Variants in ANKFN1 observed in about 807,000 individuals in gnomAD.
ANKFN1 encodes ankyrin repeat and fibronectin type III domain containing 1.
In ANKFN1, 74 loss-of-function variants were observed where a neutral mutation model predicts 108.7. The ratio of observed to expected loss-of-function variants is 0.68; its 90% CI spans 0.56 to 0.83. ANKFN1 has a LOEUF of 0.83. Among genes scored for constraint, ANKFN1 ranks in the 40% least tolerant of loss-of-function variants. The probability of loss-of-function intolerance (pLI) is 0.00; values close to 1 mark genes in which losing one functional copy is unlikely to be tolerated. For missense variants in ANKFN1, 1,505 were observed against 1,382.3 expected (o/e 1.09, Z -1.41); for synonymous variants, 547 against 516.2 (o/e 1.06, Z -0.81).
chr17:56,197,953 T>G (rs1398868015), intron 1 of ANKFN1, among the ~76,000 whole-genome samples: 5 of 152,094 alleles, frequency 3.3e-5, no homozygotes, highest in Non-Finnish European at 7.4e-5. Flanking sequence ...GAGGCTACAG[T>G]GAACCATGAT....
At chr17:56,432,006 AG>A (rs2048772562) in intron 8 of ANKFN1, among the ~76,000 whole-genome samples, 1 of 152,220 alleles carries the variant, frequency 6.6e-6, no homozygotes. Flanking sequence ...TCAGAATCCC[AG>A]GAAACATCTC....
At chr17:56,393,035 T>C (rs890797075) in intron 8 of ANKFN1, among the ~76,000 whole-genome samples, 1 of 152,194 alleles carries the variant, frequency 6.6e-6, no homozygotes, top group African/African-American at 2.4e-5. Context: ...TTAGGTCATT[T>C]TGTTCCAGGC....
At chr17:56,262,725 T>C (rs1225087946) in intron 3 of ANKFN1, among the ~76,000 whole-genome samples, 2 of 152,126 alleles carry the variant, frequency 1.3e-5, no homozygotes, top group Admixed American at 6.5e-5. Flanking sequence ...TTAATGAAAA[T>C]GTGCAAATGA....
chr17:56,126,653 C>G (rs967262773), intron 4 of ANKFN1, among the ~76,000 whole-genome samples: 2 of 152,278 alleles, frequency 1.3e-5, no homozygotes, highest in Middle Eastern at 3.4e-3. Flanking sequence ...AATGCGCTGG[C>G]AAAGAGGAGG....
At chr17:56,508,416 A>G (rs1302420830) in intron 20 of ANKFN1, among the ~76,000 whole-genome samples, 1 of 152,238 alleles carries the variant, frequency 6.6e-6, no homozygotes, top group African/African-American at 2.4e-5. Flanking sequence ...TGAAGATTAC[A>G]AAGAAATGTA....
intron 6 of ANKFN1, among the ~76,000 whole-genome samples, chr17:56,354,406 G>A (rs527847535): frequency 1.3e-5 from 2 of 149,684 alleles, no homozygotes; most frequent in African/African-American, 2.6e-5. Context: ...CAGTCAATGC[G>A]GTGGCTTCAT....
chr17:56,303,760 C>A (rs1349677003), intron 3 of ANKFN1, among the ~76,000 whole-genome samples: 1 of 152,056 alleles, frequency 6.6e-6, no homozygotes, highest in African/African-American at 2.4e-5. Flanking sequence ...TCTCAGCTCA[C>A]TGCGACCTCC....
At chr17:56,068,133 C>T (rs949597198) in intron 4 of ANKFN1, among the ~76,000 whole-genome samples, 1 of 152,128 alleles carries the variant, frequency 6.6e-6, no homozygotes, top group Non-Finnish European at 1.5e-5. Context: ...GACCCCATCC[C>T]ACCTGTATGC....
At chr17:56,065,417 A>G (rs1054630704) in intron 4 of ANKFN1, among the ~76,000 whole-genome samples, 1 of 152,176 alleles carries the variant, frequency 6.6e-6, no homozygotes, top group African/African-American at 2.4e-5. Flanking sequence ...ATCTCCTTTA[A>G]GAACTTTTCT....
rs118100469 is a variant in ANKFN1, at chr17:56,125,490, C to T, written c.288+79165C>T. 1.9e-3 allele frequency among the ~76,000 whole-genome samples: 293 copies of T among 152,252 alleles called. 1 individual carries two copies. The highest frequency in any genetic ancestry group is 2.9e-3 in the Non-Finnish European group (199 of 68,008). On this transcript the variant is annotated intron_variant, in intron 4 of 12. Coordinates refer to the ANKFN1 transcript ENST00000635860. ...CTCTCTTGAAGGGTGAGTAGGACTT[C>T]CATAGTGGGATTACTAATAATTATA...
intron 8 of ANKFN1, among the ~76,000 whole-genome samples, chr17:56,413,466 T>C (rs1347145267): frequency 6.6e-6 from 1 of 152,202 alleles, no homozygotes; most frequent in African/African-American, 2.4e-5. Flanking sequence ...CTATGTTGAA[T>C]AGAAGTAGTG....
intron 4 of ANKFN1, among the ~76,000 whole-genome samples, chr17:56,136,669 T>C (rs957939372): frequency 6.6e-6 from 1 of 152,216 alleles, no homozygotes; most frequent in African/African-American, 2.4e-5. Context: ...ATAGTAAATG[T>C]CATTTATATA....
chr17:56,145,891 TC>T (rs1431348082), intron 4 of ANKFN1, among the ~76,000 whole-genome samples: 17 of 152,234 alleles, frequency 1.1e-4, no homozygotes, highest in Admixed American at 2.0e-4. Flanking sequence ...CTTAACTCAT[TC>T]CAGCATTAAC....
At chr17:56,417,767 A>G (rs2048285045) in intron 8 of ANKFN1, among the ~76,000 whole-genome samples, 1 of 152,184 alleles carries the variant, frequency 6.6e-6, no homozygotes, top group African/African-American at 2.4e-5. Flanking sequence ...GGAGCTTCCT[A>G]TTCCATCATG....
chr17:56,422,038 A>T (rs2145059834), intron 8 of ANKFN1, among the ~76,000 whole-genome samples: 1 of 152,334 alleles, frequency 6.6e-6, no homozygotes, highest in Middle Eastern at 3.4e-3. Flanking sequence ...TGAAATGATG[A>T]GTACACTTAG....
intron 4 of ANKFN1, among the ~76,000 whole-genome samples, chr17:56,062,174 G>C (rs915524717): frequency 6.6e-5 from 10 of 152,276 alleles, no homozygotes; most frequent in Admixed American, 4.6e-4. Flanking sequence ...TTTAGAAAAA[G>C]TGCCACGTAA....
intron 1 of ANKFN1, among the ~76,000 whole-genome samples, chr17:56,187,825 C>G (rs533627371): frequency 6.6e-6 from 1 of 151,942 alleles, no homozygotes; most frequent in African/African-American, 2.4e-5. Flanking sequence ...AGCAAACTAT[C>G]GCAAGGACAG....
At chr17:56,407,496 G>C (rs148377186) in intron 8 of ANKFN1, among the ~76,000 whole-genome samples, 1 of 152,206 alleles carries the variant, frequency 6.6e-6, no homozygotes, top group Non-Finnish European at 1.5e-5. Context: ...TTTCTCTGAA[G>C]TGTGTGCTCA....
At chr17:56,167,409 A>G (rs1378453329) in intron 1 of ANKFN1, among the ~76,000 whole-genome samples, 1 of 150,988 alleles carries the variant, frequency 6.6e-6, no homozygotes, top group African/African-American at 2.4e-5. Flanking sequence ...TAATACAATA[A>G]TAAGGGATAA....
Sources: allele counts gnomAD v4.1 joint callset (sites outside exome capture counted in the v4.1 genomes callset), GRCh38; gene constraint gnomAD v4.1.1; transcripts MANE v1.5; gene names NCBI Gene and HGNC (gene_info 2026-07-23, HGNC 2026-07-21).